VPS13B: variants seen among roughly 807,000 people sequenced by gnomAD.
VPS13B encodes vacuolar protein sorting 13 homolog B.
VPS13B carries 285 observed loss-of-function variants against 426.4 expected under a neutral mutation model. The ratio of observed to expected loss-of-function variants is 0.67; its 90% CI spans 0.61 to 0.74. The LOEUF is 0.74. Among genes scored for constraint, VPS13B ranks in the 30% least tolerant of loss-of-function variants. The pLI, the probability that VPS13B is intolerant of heterozygous loss-of-function variation, is 0.00. For synonymous variants in VPS13B, 1,676 were observed against 1,676.4 expected (o/e 1.00, Z 0.01); for missense variants, 4,537 against 4,782.6 (o/e 0.95, Z 1.51).
chr8:99,051,985 A>G (rs955486052), intron 3 of VPS13B, among the ~76,000 whole-genome samples: 1 of 152,176 alleles, frequency 6.6e-6, no homozygotes, highest in African/African-American at 2.4e-5. Context: ...AACAGGGACA[A>G]TTTGACTTCC....
intron 14 of VPS13B, among the ~76,000 whole-genome samples, chr8:99,151,565 CT>C (rs1196753403): frequency 6.6e-6 from 1 of 150,540 alleles, no homozygotes; most frequent in East Asian, 2.0e-4. Flanking sequence ...TGGAGTTTCA[CT>C]TTTGTTGCCC....
chr8:99,159,925 T>C (rs1389550103), intron 15 of VPS13B, among the ~76,000 whole-genome samples: 2 of 152,188 alleles, frequency 1.3e-5, no homozygotes, highest in Admixed American at 1.3e-4. Context: ...CCCAAAGTGC[T>C]GTGATTACAG....
rs541715649 is a variant in VPS13B, at chr8:99,320,860, C to T, written c.2824+45606C>T. 9.2e-5 allele frequency among the ~76,000 whole-genome samples: 14 copies of T among 152,274 alleles called. No homozygotes were observed. The South Asian group carries it at 2.9e-3, about 32-fold the overall frequency. ...CTACTTTCTCTTCTTTTTATTCTTC[C>T]AGGTCACCTTTGTGTCAGGCATTGC... On this transcript the variant is annotated intron_variant, in intron 19 of 61. Coordinates refer to ENST00000357162, the MANE Select transcript of VPS13B (RefSeq NM_152564.5).
rs535222653 is a variant in VPS13B at position 99,722,798 on chromosome 8, T to C, written c.7050+1751T>C. Among the ~76,000 whole-genome samples, 11 of 152,258 alleles carry C rather than the reference T, an allele frequency of 7.2e-5. 2 individuals carry two copies. The highest frequency in any genetic ancestry group is 2.6e-4 in the African/African-American group (11 of 41,546). On this transcript the variant is annotated intron_variant, in intron 39 of 61. Coordinates refer to ENST00000357162, the MANE Select transcript of VPS13B (RefSeq NM_152564.5). ...CTGGGATTACAGGCGTGAGCCACCGTGCCCGGCCGAATTCTACTGTCTTAT... is the reference window on the plus strand; with the variant it reads ...CTGGGATTACAGGCGTGAGCCACCGCGCCCGGCCGAATTCTACTGTCTTAT...
At chr8:99,542,444 T>C (rs1263594624) in intron 30 of VPS13B, among the ~76,000 whole-genome samples, 1 of 152,052 alleles carries the variant, frequency 6.6e-6, no homozygotes, top group Non-Finnish European at 1.5e-5. Context: ...CTGTGGCAAA[T>C]AGGCCAGGTA....
chr8:99,239,865 C>T (rs184294252), intron 17 of VPS13B, among the ~76,000 whole-genome samples: 46 of 152,260 alleles, frequency 3.0e-4, no homozygotes, highest in Middle Eastern at 3.4e-3. Flanking sequence ...ATAAAGGTTT[C>T]ACTCTTTCCT....
Position 99,274,089 on chromosome 8 carries a change from C to T in VPS13B, c.2516-109C>T, listed in dbSNP as rs916596696. 42 of 1,436,760 alleles carry T rather than the reference C, an allele frequency of 2.9e-5. No individual in the cohort carries two copies. The African/African-American group carries it at 5.6e-4, about 19-fold the overall frequency. The allele number at this position is 1,436,760 out of a possible 1,614,324, so 89.0% of individuals were successfully genotyped here. ...AAACCTAACACAAATACTGTAAGAA[C>T]ATCTGAGGTAGACAGTTAGAGTATA... is the stretch of plus-strand genomic sequence containing the variant. On this transcript the variant is annotated intron_variant, in intron 17 of 61. Transcript: ENST00000357162.
chr8:99,482,459 T>C (rs1820095272), intron 25 of VPS13B, among the ~76,000 whole-genome samples: 1 of 152,210 alleles, frequency 6.6e-6, no homozygotes, highest in South Asian at 2.1e-4. Context: ...TAAGATACAG[T>C]ATTATGTACT....
intron 3 of VPS13B, chr8:99,091,969 AACC>A (rs1846173327): frequency 1.3e-5 from 2 of 152,212 alleles, no homozygotes; most frequent in Admixed American, 6.5e-5. Flanking sequence ...CCTGCATCTT[AACC>A]TCTTGCTCTG....
intron 37 of VPS13B, among the ~76,000 whole-genome samples, chr8:99,718,299 A>AT (rs1216426848): frequency 1.3e-5 from 2 of 151,874 alleles, no homozygotes; most frequent in African/African-American, 2.4e-5. Context: ...GAGGCTATAG[A>AT]TTTTTTTAAT....
intron 3 of VPS13B, among the ~76,000 whole-genome samples, chr8:99,066,467 G>C (rs1467098890): frequency 6.6e-6 from 1 of 152,158 alleles, no homozygotes; most frequent in East Asian, 1.9e-4. Flanking sequence ...AGCTGAAACT[G>C]GATCCCTTCC....
At chr8:99,298,873 G>T (rs866654570) in intron 19 of VPS13B, among the ~76,000 whole-genome samples, 1 of 152,154 alleles carries the variant, frequency 6.6e-6, no homozygotes, top group African/African-American at 2.4e-5. Flanking sequence ...AGGATTAAAG[G>T]TAGGGAATAT....
chr8:99,514,148 T>C (rs2133645110), intron 29 of VPS13B, among the ~76,000 whole-genome samples: 1 of 152,354 alleles, frequency 6.6e-6, no homozygotes, highest in South Asian at 2.1e-4. Flanking sequence ...TCCATGTCAG[T>C]GTTCGTCATA....
chr8:99,865,926 A>G (rs909585307), intron 58 of VPS13B, among the ~76,000 whole-genome samples: 5 of 152,226 alleles, frequency 3.3e-5, no homozygotes, highest in Non-Finnish European at 7.3e-5. Context: ...AAGTCACAGA[A>G]AGAGGTAAGG....
Position 99,300,188 on chromosome 8 carries a change from C to T in VPS13B, c.2824+24934C>T, listed in dbSNP as rs575017229. Among the ~76,000 whole-genome samples the T allele has an allele frequency of 5.9e-5, 9 of 152,220 alleles. 1 individual carries two copies. In the South Asian group the frequency reaches 1.9e-3, roughly 32 times the overall value. ...GTGTGTACACCAGGGGTGAGCACAACATTTTGAGGTTTTCATATGTCCTCA... is the reference window on the plus strand; with the variant it reads ...GTGTGTACACCAGGGGTGAGCACAATATTTTGAGGTTTTCATATGTCCTCA... On this transcript the variant is annotated intron_variant, in intron 19 of 61. Coordinates refer to ENST00000357162, the MANE Select transcript of VPS13B (RefSeq NM_152564.5).
chr8:99,091,893 G>C (rs959277462), intron 3 of VPS13B: 1 of 152,140 alleles, frequency 6.6e-6, no homozygotes, highest in African/African-American at 2.4e-5. Context: ...GGTGCCACAG[G>C]GTTGAAGAGC....
At chr8:99,448,531 T>C (rs1402146763) in intron 23 of VPS13B, among the ~76,000 whole-genome samples, 1 of 152,136 alleles carries the variant, frequency 6.6e-6, no homozygotes, top group Non-Finnish European at 1.5e-5. Context: ...TTAAAAGTAA[T>C]TTACTCTTTG....
chr8:99,313,272 G>C (rs1028589769), intron 19 of VPS13B, among the ~76,000 whole-genome samples: 1 of 152,110 alleles, frequency 6.6e-6, no homozygotes, highest in Non-Finnish European at 1.5e-5. Flanking sequence ...AGCTTTTCTG[G>C]TCTGTTTTTT....
chr8:99,751,585 T>C (rs1243239336), intron 39 of VPS13B, among the ~76,000 whole-genome samples: 3 of 150,712 alleles, frequency 2.0e-5, no homozygotes, highest in East Asian at 1.9e-4. Context: ...TTTACACTTA[T>C]CATGGAAACA....
Sources: allele counts gnomAD v4.1 joint callset (sites outside exome capture counted in the v4.1 genomes callset), GRCh38; gene constraint gnomAD v4.1.1; transcripts MANE v1.5; gene names NCBI Gene and HGNC (gene_info 2026-07-23, HGNC 2026-07-21).